The following DGKI variants were observed in gnomAD, a reference collection of about 807,000 sequenced individuals.
The protein encoded by DGKI is diacylglycerol kinase iota.
In DGKI, 55 loss-of-function variants were observed where a neutral mutation model predicts 147.5. The observed-to-expected ratio is 0.37, with a 90% CI of 0.30 to 0.47. The LOEUF (loss-of-function observed/expected upper bound fraction) is 0.47, where lower values mean the gene tolerates loss of function less well. Ranked by LOEUF, DGKI falls within the 20% of genes least tolerant of loss-of-function variation. DGKI has a pLI of 1.00. For synonymous variants in DGKI, 469 were observed against 477.1 expected, an observed-to-expected ratio of 0.98 and a Z score of 0.22; for missense variants, 1,007 against 1,323.8, an observed-to-expected ratio of 0.76 and a Z score of 3.71.
At position 137,386,439 on chromosome 7, in the gene DGKI, T is replaced by C. The variant is rs1403768879; in HGVS notation, c.*4781A>G. 1 of 152,132 alleles carries C rather than the reference T, an allele frequency of 6.6e-6. No individual in the cohort carries two copies. Among genetic ancestry groups the C allele is most frequent in the Non-Finnish European group, 1.5e-5 (1 of 68,016 alleles). The allele number at this position is 152,132 out of a possible 1,614,324, so 9.4% of individuals were successfully genotyped here. A position where few individuals can be genotyped will look rare whatever the true frequency, so the allele number is the denominator to read the frequency against. On this transcript the variant is annotated 3_prime_UTR_variant, in exon 33 of 33. Transcript: ENST00000614521. Reference sequence around the variant, plus strand: ...TAAGACAGATATTTGCTAAACCTGATAGATTTTCAGAATCATGCTTGCCAT... The same window carrying C: ...TAAGACAGATATTTGCTAAACCTGACAGATTTTCAGAATCATGCTTGCCAT...
At position 137,590,051 on chromosome 7, in the gene DGKI, G is replaced by A. The variant is rs149437519; in HGVS notation, c.1312-2841C>T. Among the ~76,000 whole-genome samples the A allele has an allele frequency of 2.9e-3, 448 of 151,884 alleles. 5 individuals are homozygous for A. Among genetic ancestry groups the A allele is most frequent in the Non-Finnish European group, 3.3e-3 (222 of 67,930 alleles). ...AAAAAGAAAGAAAAAAAAAAAAGAC[G>A]CAGCTTCAATGGGCCAGAAAAAAAA... On this transcript the variant is annotated intron_variant, in intron 12 of 32. Transcript: ENST00000614521.
intron 27 of DGKI, among the ~76,000 whole-genome samples, chr7:137,461,398 T>C (rs1814437328): frequency 6.6e-6 from 1 of 152,244 alleles, no homozygotes; most frequent in Non-Finnish European, 1.5e-5. Context: ...ATAGTAGTTA[T>C]TATTAACATT....
chr7:137,842,872 C>A (rs1798586676), intron 1 of DGKI, among the ~76,000 whole-genome samples: 1 of 152,030 alleles, frequency 6.6e-6, no homozygotes, highest in Non-Finnish European at 1.5e-5. Flanking sequence ...TATGTAATGA[C>A]CTGCCGTGTA....
intron 1 of DGKI, among the ~76,000 whole-genome samples, chr7:137,845,842 G>A (rs1464642699): frequency 6.6e-6 from 1 of 152,104 alleles, no homozygotes; most frequent in Admixed American, 6.5e-5. Flanking sequence ...GAGCACGCAG[G>A]CATGGAGCCC....
At chr7:137,561,218 T>C (rs141217616) in intron 19 of DGKI, among the ~76,000 whole-genome samples, 280 of 152,234 alleles carry the variant, frequency 1.8e-3, no homozygotes, top group African/African-American at 6.2e-3. Context: ...GTAGTATGTA[T>C]ACACAATGGA....
chr7:137,574,135 C>T (rs1271400970), intron 17 of DGKI, among the ~76,000 whole-genome samples: 1 of 152,154 alleles, frequency 6.6e-6, no homozygotes, highest in Non-Finnish European at 1.5e-5. Context: ...AGGTTGTCTC[C>T]AGCACCTGCA....
chr7:137,506,446 G>T (rs899526378), intron 21 of DGKI, among the ~76,000 whole-genome samples: 1 of 152,156 alleles, frequency 6.6e-6, no homozygotes, highest in Non-Finnish European at 1.5e-5. Context: ...CCAAGGGCTT[G>T]GGAGAGGAAG....
intron 1 of DGKI, among the ~76,000 whole-genome samples, chr7:137,831,723 C>T (rs868847180): frequency 6.6e-6 from 1 of 152,196 alleles, no homozygotes; most frequent in South Asian, 2.1e-4. Flanking sequence ...CCAACTGTGC[C>T]TTCCCAAGAG....
intron 20 of DGKI, among the ~76,000 whole-genome samples, chr7:137,547,034 C>G (rs1433809919): frequency 1.3e-5 from 2 of 152,226 alleles, no homozygotes; most frequent in Non-Finnish European, 2.9e-5. Flanking sequence ...ATAATATTAT[C>G]TATTTATTAA....
rs1033850338 is a variant in DGKI at position 137,387,685 on chromosome 7, G to A, written c.*3535C>T. The A allele has an allele frequency of 2.0e-5, 3 of 152,064 alleles. No individual in the cohort carries two copies. The highest frequency in any genetic ancestry group is 1.3e-4 in the Admixed American group (2 of 15,254). 9.4% of individuals were successfully genotyped at this position (152,064 alleles called of 1,614,324 possible). On this transcript the variant is annotated 3_prime_UTR_variant, in exon 33 of 33. Coordinates refer to ENST00000614521, the MANE Select transcript of DGKI (RefSeq NM_001321708.2). ...TTAACCGTATTTATTTTTGGGAAGT[G>A]GGACACAACACCAGAACAAAGGGAT...
intron 19 of DGKI, among the ~76,000 whole-genome samples, chr7:137,561,961 T>C (rs1011443793): frequency 1.3e-5 from 2 of 152,126 alleles, no homozygotes; most frequent in Non-Finnish European, 2.9e-5. Context: ...AATAAAGACA[T>C]TTTCAGAAAA....
rs1290700557 is a variant in DGKI, at chr7:137,465,885, C to A, written c.2612+23G>T. On this transcript the variant is annotated intron_variant, in intron 26 of 32. Coordinates refer to ENST00000614521, the MANE Select transcript of DGKI (RefSeq NM_001321708.2). ...GGATGTCACCCTAAGGCCAGCCTCA[C>A]AGGCCAGGAGAAGCACACTCACCCC... 52 of 1,610,170 alleles carry A rather than the reference C, an allele frequency of 3.2e-5. No individual in the cohort carries two copies. The East Asian group carries it at 1.2e-3, about 36-fold the overall frequency.
chr7:137,554,998 C>T (rs1471741109), intron 19 of DGKI, among the ~76,000 whole-genome samples: 5 of 145,904 alleles, frequency 3.4e-5, no homozygotes, highest in South Asian at 2.2e-4. Flanking sequence ...CTCACTGCAA[C>T]CTCCACCTCC....
At chr7:137,717,473 T>C (rs980025544) in intron 1 of DGKI, among the ~76,000 whole-genome samples, 2 of 152,174 alleles carry the variant, frequency 1.3e-5, no homozygotes, top group Admixed American at 6.5e-5. Context: ...GTAAGTGATA[T>C]TAACATTTTA....
intron 1 of DGKI, among the ~76,000 whole-genome samples, chr7:137,833,808 C>T (rs1212950547): frequency 6.6e-6 from 1 of 152,180 alleles, no homozygotes; most frequent in African/African-American, 2.4e-5. Context: ...TCATTGGTTA[C>T]CATGGTGGAG....
intron 27 of DGKI, 112 bp from the exon 28 acceptor site, chr7:137,444,214 T>C: frequency 4.7e-6 from 3 of 642,478 alleles, no homozygotes; most frequent in South Asian, 2.3e-5. Flanking sequence ...AAAGTCAATA[T>C]AGTAGACAGT....
intron 23 of DGKI, among the ~76,000 whole-genome samples, chr7:137,482,871 T>G (rs1815419652): frequency 6.6e-6 from 1 of 152,052 alleles, no homozygotes; most frequent in Admixed American, 6.6e-5. Context: ...TTCTTGCGCC[T>G]TCCTTGTCCT....
At chr7:137,716,888 T>C (rs1461695879) in intron 1 of DGKI, among the ~76,000 whole-genome samples, 1 of 152,234 alleles carries the variant, frequency 6.6e-6, no homozygotes, top group Non-Finnish European at 1.5e-5. Context: ...AGAAAATTTT[T>C]CCACCCGTGT....
intron 1 of DGKI, among the ~76,000 whole-genome samples, chr7:137,836,802 A>C (rs574318702): frequency 1.2e-4 from 19 of 152,336 alleles, no homozygotes; most frequent in Non-Finnish European, 2.4e-4. Flanking sequence ...TCACAGAGCT[A>C]AGTTTTATGC....
Sources: gnomAD v4.1 joint callset for allele counts (sites outside exome capture counted in the v4.1 genomes callset) on GRCh38, gnomAD v4.1.1 for gene constraint, MANE v1.5 for transcripts, NCBI Gene and HGNC (gene_info 2026-07-23, HGNC 2026-07-21) for gene names.